The following CTNND2 variants were observed in gnomAD, a reference collection of about 807,000 sequenced individuals.
CTNND2 encodes catenin delta 2.
CTNND2 carries 22 observed loss-of-function variants against 144.4 expected under a neutral mutation model. The observed-to-expected ratio is 0.15, with a 90% confidence interval of 0.11 to 0.22. The LOEUF (loss-of-function observed/expected upper bound fraction) is 0.22, where lower values mean the gene tolerates loss of function less well. Among genes scored for constraint, CTNND2 ranks in the 10% least tolerant of loss-of-function variants. The probability of loss-of-function intolerance (pLI) is 1.00; values close to 1 mark genes in which losing one functional copy is unlikely to be tolerated. For missense variants in CTNND2, 1,353 were observed against 1,618.8 expected (o/e 0.84, Z 2.82); for synonymous variants, 751 against 695.6 (o/e 1.08, Z -1.25).
In CTNND2 at chr5:11,236,773, T is replaced by C; in HGVS notation, c.1679A>G (p.Gln560Arg). 2 of 1,614,186 alleles carry C rather than the reference T, an allele frequency of 1.2e-6. No homozygotes were observed. Among genetic ancestry groups the C allele is most frequent in the Non-Finnish European group, 1.7e-6 (2 of 1,180,032 alleles). Residue 560 changes from glutamine (Q) to arginine (R), a missense_variant, in exon 10 of 22, where the codon CAG (glutamine) becomes CGG (arginine). Gln to Arg is a conservative substitution (Grantham distance 43). Coordinates refer to ENST00000304623, the MANE Select transcript of CTNND2 (RefSeq NM_001332.4). ...AGACTGGACCGAGGGAAACTGGTGC[T>C]GCAACATCTGAATCACTTCCGGCAG... ...PELPEVIQML[Q>R]HQFPSVQSNA...
chr5:11,779,878 T>C (rs970194188), intron 1 of CTNND2, among the ~76,000 whole-genome samples: 2 of 152,176 alleles, frequency 1.3e-5, no homozygotes, highest in Non-Finnish European at 2.9e-5. Flanking sequence ...TCCATCATCA[T>C]TCCTAATTCC....
chr5:11,900,382 C>A lies in CTNND2; in HGVS notation c.37+3435G>T, dbSNP rs61761568. On this transcript the variant is annotated intron_variant, in intron 1 of 21. Transcript: ENST00000304623. Reference sequence around the variant, plus strand: ...GTTATGAGTCTTAATATTTAATGGACTAAAAAGCACAGTATGATAAAATAT... The same window carrying A: ...GTTATGAGTCTTAATATTTAATGGAATAAAAAGCACAGTATGATAAAATAT... 7.5e-3 allele frequency among the ~76,000 whole-genome samples: 1,139 copies of A among 152,168 alleles called. 11 individuals carry two copies. The highest frequency in any genetic ancestry group is 0.026 in the African/African-American group (1,070 of 41,520).
chr5:11,497,979 C>A (rs1770145514), intron 3 of CTNND2, among the ~76,000 whole-genome samples: 1 of 152,046 alleles, frequency 6.6e-6, no homozygotes, highest in Non-Finnish European at 1.5e-5. Flanking sequence ...GGGCCCAGAA[C>A]AACTGCACAT....
chr5:11,661,187 A>T (rs931523002), intron 2 of CTNND2, among the ~76,000 whole-genome samples: 4 of 152,192 alleles, frequency 2.6e-5, no homozygotes, highest in African/African-American at 9.6e-5. Context: ...AAACTTTATT[A>T]AATTAATTTT....
At chr5:11,460,552 C>G (rs1392239991) in intron 3 of CTNND2, among the ~76,000 whole-genome samples, 3 of 152,142 alleles carry the variant, frequency 2.0e-5, no homozygotes, top group Admixed American at 1.3e-4. Context: ...TGCTCTACCC[C>G]CATTGGGGGC....
chr5:11,509,873 T>G (rs2150023448), intron 3 of CTNND2, among the ~76,000 whole-genome samples: 1 of 152,292 alleles, frequency 6.6e-6, no homozygotes, highest in East Asian at 1.9e-4. Context: ...AAATGCTTAC[T>G]GTAACTTTTA....
chr5:11,378,016 C>T (rs147159747), intron 7 of CTNND2, among the ~76,000 whole-genome samples: 1 of 152,296 alleles, frequency 6.6e-6, no homozygotes, highest in African/African-American at 2.4e-5. Context: ...AGGCAGACCT[C>T]ATGTCTGCCT....
chr5:11,435,394 G>A (rs941579994), intron 3 of CTNND2, among the ~76,000 whole-genome samples: 1 of 151,758 alleles, frequency 6.6e-6, no homozygotes, highest in Admixed American at 6.6e-5. Context: ...CGCCCTCCTC[G>A]GCCTCCCAAA....
At chr5:11,630,974 A>C (rs1184327480) in intron 2 of CTNND2, among the ~76,000 whole-genome samples, 1 of 151,866 alleles carries the variant, frequency 6.6e-6, no homozygotes, top group African/African-American at 2.4e-5. Flanking sequence ...AAAATACATA[A>C]ACAATCATAT....
chr5:11,587,198 C>A (rs1297145442), intron 2 of CTNND2, among the ~76,000 whole-genome samples: 1 of 152,056 alleles, frequency 6.6e-6, no homozygotes, highest in East Asian at 1.9e-4. Context: ...TATAGTTCAG[C>A]AAAATTATTA....
At chr5:11,439,792 CTA>C (rs1764104611) in intron 3 of CTNND2, among the ~76,000 whole-genome samples, 1 of 129,472 alleles carries the variant, frequency 7.7e-6, no homozygotes, top group African/African-American at 2.7e-5. Context: ...ATCTATCTAT[CTA>C]TCTATCTTAT....
chr5:11,098,869 A>C, intron 14 of CTNND2, 121 bp from the exon 15 acceptor site: 1 of 851,308 alleles, frequency 1.2e-6, no homozygotes, highest in Non-Finnish European at 1.8e-6. Context: ...CTGAACATAG[A>C]CTGCACGGAG....
chr5:11,810,141 T>C (rs1489413963), intron 1 of CTNND2, among the ~76,000 whole-genome samples: 2 of 152,184 alleles, frequency 1.3e-5, no homozygotes, highest in Non-Finnish European at 2.9e-5. Flanking sequence ...AATATTAGCA[T>C]ATACTATGCT....
In CTNND2 at chr5:10,981,800, C is replaced by T. The variant is rs371572646; in HGVS notation, c.3390G>A (p.Ala1130=). The change falls in exon 21 of 22, where the codon GCG becomes GCA. Residue 1130 remains alanine (A), a synonymous_variant. Transcript: ENST00000304623. ...GGTTGTGTTTGATGTCTTCAGCGGG[C>T]GCACCATAAGAATTCCTATACAAAG... ...ISTLYRNSYG[A]PAEDIKHNQV... is the part of the protein sequence containing the mutation. 2.3e-5 allele frequency: 37 copies of T among 1,613,696 alleles called. No individual in the cohort carries two copies. The highest frequency in any genetic ancestry group is 3.3e-5 in the South Asian group (3 of 91,028).
At chr5:11,878,662 T>C (rs905532756) in intron 1 of CTNND2, among the ~76,000 whole-genome samples, 15 of 152,298 alleles carry the variant, frequency 9.8e-5, no homozygotes, top group African/African-American at 3.6e-4. Flanking sequence ...AAATTCGGTG[T>C]CTACACCTTT....
At chr5:11,874,592 G>C (rs994850685) in intron 1 of CTNND2, among the ~76,000 whole-genome samples, 4 of 152,188 alleles carry the variant, frequency 2.6e-5, no homozygotes, top group Non-Finnish European at 5.9e-5. Flanking sequence ...GGGTTGCAGG[G>C]AGCAGAGACA....
chr5:11,055,523 C>T (rs891193220), intron 16 of CTNND2, among the ~76,000 whole-genome samples: 1 of 152,158 alleles, frequency 6.6e-6, no homozygotes, highest in Non-Finnish European at 1.5e-5. Flanking sequence ...CTACCCATAC[C>T]CGTTCAGTGA....
chr5:11,187,584 C>G (rs980019201), intron 11 of CTNND2, among the ~76,000 whole-genome samples: 2 of 152,110 alleles, frequency 1.3e-5, no homozygotes, highest in South Asian at 2.1e-4. Context: ...GCAATTGCCA[C>G]AAAAGCAAAA....
At chr5:11,169,332 AAT>A (rs1183136430) in intron 11 of CTNND2, among the ~76,000 whole-genome samples, 2 of 152,208 alleles carry the variant, frequency 1.3e-5, no homozygotes, top group Non-Finnish European at 2.9e-5. Flanking sequence ...TTTGCTGATC[AAT>A]GGGTTTTTAT....
Sources: allele counts gnomAD v4.1 joint callset (sites outside exome capture counted in the v4.1 genomes callset), GRCh38; gene constraint gnomAD v4.1.1; transcripts MANE v1.5; gene names NCBI Gene and HGNC (gene_info 2026-07-23, HGNC 2026-07-21).